The following DOK6 variants were observed in gnomAD, a reference collection of about 807,000 sequenced individuals.
DOK6 encodes the protein downstream of tyrosine kinase 6.
Under a neutral mutation model 44.0 loss-of-function variants are expected in DOK6, and 22 were observed. The observed-to-expected ratio is 0.50, with a 90% CI of 0.36 to 0.71. DOK6 has a LOEUF of 0.71. DOK6 is among the 30% of genes least tolerant of loss of function. The pLI, the probability that DOK6 is intolerant of heterozygous loss-of-function variation, is 0.00. For missense variants in DOK6, 340 were observed against 416.4 expected (o/e 0.82, Z 1.60); for synonymous variants, 166 against 145.5 (o/e 1.14, Z -1.01).
In DOK6 at chr18:69,602,982, G is replaced by A. The variant is rs916934820; in HGVS notation, c.289+3484G>A. On this transcript the variant is annotated intron_variant, in intron 3 of 7. Coordinates refer to ENST00000382713, the MANE Select transcript of DOK6 (RefSeq NM_152721.6). ...TGACAATACTAAAATCATTGCCACT[G>A]TTCAGTGGCTTGATAGGAAATGTTA... Among the ~76,000 whole-genome samples the A allele has an allele frequency of 7.2e-5, 11 of 152,286 alleles. No individual in the cohort carries two copies. In the East Asian group the frequency reaches 2.1e-3, roughly 29 times the overall value.
chr18:69,750,872 G>A (rs12965605), intron 6 of DOK6, among the ~76,000 whole-genome samples: 15,613 of 152,130 alleles, frequency 0.1, 806 homozygotes, highest in Middle Eastern at 0.15. Context: ...GAACACATAC[G>A]CAGTGGAATA....
At chr18:69,465,803 G>A (rs576706931) in intron 1 of DOK6, among the ~76,000 whole-genome samples, 20 of 152,152 alleles carry the variant, frequency 1.3e-4, no homozygotes, top group African/African-American at 4.8e-4. Flanking sequence ...ATGATTTATA[G>A]TCCTTTGGGT....
At chr18:69,670,424 A>G (rs1352891409) in intron 3 of DOK6, among the ~76,000 whole-genome samples, 1 of 152,136 alleles carries the variant, frequency 6.6e-6, no homozygotes, top group East Asian at 1.9e-4. Flanking sequence ...TATGACTAAG[A>G]TAAAGGGTCT....
intron 3 of DOK6, among the ~76,000 whole-genome samples, chr18:69,630,486 T>A (rs142121468): frequency 6.6e-6 from 1 of 152,338 alleles, no homozygotes; most frequent in East Asian, 1.9e-4. Flanking sequence ...TTTCTTCACT[T>A]TCATTCATTC....
At chr18:69,653,320 A>AG (rs1568323050) in intron 3 of DOK6, among the ~76,000 whole-genome samples, 4 of 150,774 alleles carry the variant, frequency 2.7e-5, no homozygotes, top group Admixed American at 6.6e-5. Context: ...AAAAAAAAAA[A>AG]AAGAAGAAGA....
chr18:69,705,913 G>A (rs1986621763), intron 5 of DOK6, among the ~76,000 whole-genome samples: 1 of 89,456 alleles, frequency 1.1e-5, no homozygotes, highest in Admixed American at 1.1e-4. Context: ...CTCCATAAAT[G>A]TGATTAAAAA....
rs774795356 is a variant in DOK6, at chr18:69,738,955, A to G, written c.600-10A>G. 31 of 1,613,504 alleles carry G rather than the reference A, an allele frequency of 1.9e-5. No homozygotes were observed. The highest frequency in any genetic ancestry group is 2.5e-5 in the Non-Finnish European group (29 of 1,179,706). On this transcript the variant is annotated splice_polypyrimidine_tract_variant and intron_variant, in intron 5 of 7. Coordinates refer to ENST00000382713, the MANE Select transcript of DOK6 (RefSeq NM_152721.6). ...GAGACCCATCTCTTTCCCTATCTCT[A>G]TTCTCACAGAATGTGTGACACAGGA...
intron 3 of DOK6, among the ~76,000 whole-genome samples, chr18:69,628,591 T>G (rs552346468): frequency 1.3e-5 from 2 of 152,304 alleles, no homozygotes; most frequent in East Asian, 3.9e-4. Flanking sequence ...TTTGATAAGC[T>G]ATGTTCCTCC....
intron 1 of DOK6, among the ~76,000 whole-genome samples, chr18:69,560,200 G>A (rs113948897): frequency 0.011 from 1,657 of 152,254 alleles, 27 homozygotes; most frequent in African/African-American, 0.037. Flanking sequence ...AAGTGGAAGT[G>A]TTTAATGAAT....
intron 5 of DOK6, among the ~76,000 whole-genome samples, chr18:69,707,184 G>A (rs1290790512): frequency 6.6e-6 from 1 of 152,176 alleles, no homozygotes; most frequent in African/African-American, 2.4e-5. Context: ...TGAAATAAAA[G>A]AGGATACAAA....
At chr18:69,706,432 G>C (rs1271758900) in intron 5 of DOK6, among the ~76,000 whole-genome samples, 1 of 152,114 alleles carries the variant, frequency 6.6e-6, no homozygotes, top group Non-Finnish European at 1.5e-5. Context: ...TAAAAAACAG[G>C]AAGGACAATT....
intron 2 of DOK6, among the ~76,000 whole-genome samples, chr18:69,592,024 C>T (rs1346834318): frequency 6.6e-6 from 1 of 152,042 alleles, no homozygotes; most frequent in Non-Finnish European, 1.5e-5. Flanking sequence ...AACGTTGACA[C>T]TCCTCTTCGT....
chr18:69,522,589 GA>G (rs1981717665), intron 1 of DOK6, among the ~76,000 whole-genome samples: 1 of 151,836 alleles, frequency 6.6e-6, no homozygotes, highest in African/African-American at 2.4e-5. Flanking sequence ...ATTAATTAAA[GA>G]AAAAGACAAA....
At chr18:69,832,733 G>A (rs550980415) in intron 7 of DOK6, 9 of 150,174 alleles carry the variant, frequency 6.0e-5, no homozygotes, top group African/African-American at 1.7e-4. Context: ...CACTAACAGC[G>A]AACAATCTGA....
intron 2 of DOK6, among the ~76,000 whole-genome samples, chr18:69,566,261 C>A (rs1328383055): frequency 1.3e-5 from 2 of 152,070 alleles, no homozygotes; most frequent in Middle Eastern, 3.4e-3. Flanking sequence ...CTCAGCCTCC[C>A]GAGTAGCTGG....
chr18:69,819,697 G>A (rs919083429), intron 7 of DOK6, among the ~76,000 whole-genome samples: 2 of 152,104 alleles, frequency 1.3e-5, no homozygotes, highest in Admixed American at 6.6e-5. Flanking sequence ...ACCTTGAAAA[G>A]CATCATTTTA....
At chr18:69,653,685 G>A (rs984698582) in intron 3 of DOK6, among the ~76,000 whole-genome samples, 4 of 152,192 alleles carry the variant, frequency 2.6e-5, no homozygotes, top group Non-Finnish European at 5.9e-5. Flanking sequence ...TGAATGAGCT[G>A]AGTCCCAGAC....
intron 1 of DOK6, among the ~76,000 whole-genome samples, chr18:69,428,777 A>T (rs1978714583): frequency 6.6e-6 from 1 of 152,224 alleles, no homozygotes; most frequent in Non-Finnish European, 1.5e-5. Flanking sequence ...ATAAATTTTT[A>T]AAAAGTAAAA....
chr18:69,817,141 C>A (rs1039227502), intron 7 of DOK6, among the ~76,000 whole-genome samples: 1 of 152,088 alleles, frequency 6.6e-6, no homozygotes, highest in African/African-American at 2.4e-5. Flanking sequence ...CCAATTCATC[C>A]ATTTCTTTCT....
Sources: gnomAD v4.1 joint callset for allele counts (sites outside exome capture counted in the v4.1 genomes callset) on GRCh38, gnomAD v4.1.1 for gene constraint, MANE v1.5 for transcripts, NCBI Gene and HGNC (gene_info 2026-07-23, HGNC 2026-07-21) for gene names.